METTL8: variants seen among roughly 807,000 people sequenced by gnomAD.
The protein encoded by METTL8 is methyltransferase 8, tRNA N3-cytidine, also known as tRNA N(3)-cytidine methyltransferase METTL8, mitochondrial.
In METTL8, 32 loss-of-function variants were observed where a neutral mutation model predicts 48.7. The ratio of observed to expected loss-of-function variants is 0.66; its 90% CI spans 0.50 to 0.88. The LOEUF (loss-of-function observed/expected upper bound fraction) is 0.88. Among genes scored for constraint, METTL8 ranks in the 40% least tolerant of loss-of-function variants. The pLI is 0.00. For missense variants in METTL8, 464 were observed against 474.4 expected (o/e 0.98, Z 0.20); for synonymous variants, 136 against 157.1 (o/e 0.87, Z 1.01).
intron 2 of METTL8, among the ~76,000 whole-genome samples, chr2:171,374,532 T>C (rs1021015616): frequency 1.3e-5 from 2 of 152,228 alleles, no homozygotes; most frequent in Admixed American, 1.3e-4. Context: ...ATTCAAAGTG[T>C]ACAACTTGGT....
chr2:171,430,311 T>A (rs1361468509), intron 1 of METTL8, among the ~76,000 whole-genome samples: 1 of 151,306 alleles, frequency 6.6e-6, no homozygotes, highest in Admixed American at 6.6e-5. Flanking sequence ...TGAGCCGAGA[T>A]AGCCCCACCG....
At chr2:171,346,783 A>G (rs1372249927) in intron 3 of METTL8, among the ~76,000 whole-genome samples, 1 of 152,176 alleles carries the variant, frequency 6.6e-6, no homozygotes, top group Non-Finnish European at 1.5e-5. Flanking sequence ...TTGAAAGTAG[A>G]GCTTTTAAAC....
At chr2:171,397,553 CAAA>C (rs34936693) in intron 1 of METTL8, among the ~76,000 whole-genome samples, 105 of 52,146 alleles carry the variant, frequency 2.0e-3, no homozygotes, top group African/African-American at 5.9e-3. Context: ...AACCCTGCCT[CAAA>C]AAAAAAAAAA....
intron 1 of METTL8, among the ~76,000 whole-genome samples, chr2:171,396,603 A>G (rs1280579015): frequency 1.3e-5 from 2 of 152,210 alleles, no homozygotes; most frequent in African/African-American, 4.8e-5. Context: ...CAAATTCAAA[A>G]TAATAATAAG....
Position 171,316,016 on chromosome 2 carries a change from G to C in METTL8, c.*8156C>G, listed in dbSNP as rs1397700899. 6.6e-6 allele frequency among the ~76,000 whole-genome samples: 1 copy of C among 152,210 alleles called. No individual in the cohort carries two copies. The highest frequency in any genetic ancestry group is 1.5e-5 in the Non-Finnish European group (1 of 68,034). On this transcript the variant is annotated 3_prime_UTR_variant, in exon 10 of 10. Transcript: ENST00000375258. Reference sequence around the variant, plus strand: ...TGTTGTGTAGTGTGTGACGTAGTAGGTGAAAAACAGCAAAGAGGTAATTCT... The same window carrying C: ...TGTTGTGTAGTGTGTGACGTAGTAGCTGAAAAACAGCAAAGAGGTAATTCT...
intron 5 of METTL8, among the ~76,000 whole-genome samples, chr2:171,335,025 A>G (rs547620991): frequency 2.0e-5 from 3 of 152,352 alleles, no homozygotes; most frequent in South Asian, 2.1e-4. Flanking sequence ...TCAACTGCCA[A>G]TGTAGTGTAT....
chr2:171,380,721 A>G (rs1410360875), intron 2 of METTL8, among the ~76,000 whole-genome samples: 1 of 152,210 alleles, frequency 6.6e-6, no homozygotes, highest in Admixed American at 6.5e-5. Flanking sequence ...AAGGAGAACT[A>G]CAAACCACTG....
intron 1 of METTL8, among the ~76,000 whole-genome samples, chr2:171,428,444 C>T (rs1692637652): frequency 6.6e-6 from 1 of 151,826 alleles, no homozygotes; most frequent in Non-Finnish European, 1.5e-5. Context: ...TCGCTTGAGC[C>T]CAGGAGTTCA....
chr2:171,384,874 A>G (rs1458117272), intron 2 of METTL8, among the ~76,000 whole-genome samples: 1 of 152,182 alleles, frequency 6.6e-6, no homozygotes, highest in Non-Finnish European at 1.5e-5. Context: ...GTAAAAGACT[A>G]TAGGCAGATA....
In METTL8 at chr2:171,433,564, A is replaced by T. The variant is rs374882763; in HGVS notation, c.-13+319T>A. Among the ~76,000 whole-genome samples, 51 of 152,340 alleles carry T rather than the reference A, an allele frequency of 3.3e-4. No individual in the cohort carries two copies. The South Asian group carries it at 0.01, about 31-fold the overall frequency. Reference sequence around the variant, plus strand: ...TTTGAACATACAGGCAGGGCTAGTTAACAAAGTATATCTTTTACTTAGAGA... The same window carrying T: ...TTTGAACATACAGGCAGGGCTAGTTTACAAAGTATATCTTTTACTTAGAGA... On this transcript the variant is annotated intron_variant, in intron 1 of 9. Transcript: ENST00000375258.
chr2:171,434,574 C>A, upstream of METTL8: 7 of 1,526,278 alleles, frequency 4.6e-6, no homozygotes, highest in Non-Finnish European at 6.1e-6. Context: ...CGGCCCGCGC[C>A]TCCATGGGCC....
chr2:171,336,101 CTT>C (rs560940773), intron 5 of METTL8, among the ~76,000 whole-genome samples: 4 of 143,250 alleles, frequency 2.8e-5, no homozygotes, highest in African/African-American at 2.5e-5. Context: ...TCAAACTCTG[CTT>C]TTTTTTTTTT....
chr2:171,358,843 A>G (rs1178010), intron 3 of METTL8, among the ~76,000 whole-genome samples: 150,731 of 152,266 alleles, frequency 0.99, 74,626 homozygotes, highest in Middle Eastern at 1. Context: ...GCTAACAAGC[A>G]CCTGTACAGC....
At chr2:171,344,906 G>C (rs866660917) in intron 3 of METTL8, among the ~76,000 whole-genome samples, 1 of 152,208 alleles carries the variant, frequency 6.6e-6, no homozygotes, top group Admixed American at 6.5e-5. Context: ...AGGGGAATTG[G>C]AGGAATTACT....
At chr2:171,430,714 G>C (rs1321172289) in intron 1 of METTL8, among the ~76,000 whole-genome samples, 5 of 152,026 alleles carry the variant, frequency 3.3e-5, no homozygotes. Flanking sequence ...TAGGCAGATG[G>C]GGGTGGGTCC....
At chr2:171,356,973 A>G (rs192624939) in intron 3 of METTL8, among the ~76,000 whole-genome samples, 248 of 1,438 alleles carry the variant, frequency 0.17, 9 homozygotes, top group East Asian at 0.45. Flanking sequence ...TTTTTTTGAG[A>G]CAGGGTCTTA....
At chr2:171,324,981 TCAGCTACTTGGGAGGCTGTAATCC>T (rs201576956) in intron 9 of METTL8, among the ~76,000 whole-genome samples, 10,761 of 151,712 alleles carry the variant, frequency 0.071, 1,057 homozygotes, top group East Asian at 0.54. Context: ...GTAGGTAATC[TCAGCTACTTGGGAGGCTGTAATCC>T]CAGCTACTTG....
chr2:171,334,934 T>C (rs1685927659), intron 5 of METTL8, among the ~76,000 whole-genome samples: 1 of 152,090 alleles, frequency 6.6e-6, no homozygotes, highest in Non-Finnish European at 1.5e-5. Flanking sequence ...TTAAGGAATA[T>C]AAAAAGTGGT....
At chr2:171,374,029 A>T (rs1009298885) in intron 2 of METTL8, among the ~76,000 whole-genome samples, 8 of 152,192 alleles carry the variant, frequency 5.3e-5, no homozygotes, top group Non-Finnish European at 1.2e-4. Context: ...AGTCATTGGC[A>T]GCTTGATGGG....
Sources: allele counts gnomAD v4.1 joint callset (sites outside exome capture counted in the v4.1 genomes callset), GRCh38; gene constraint gnomAD v4.1.1; transcripts MANE v1.5; gene names NCBI Gene and HGNC (gene_info 2026-07-23, HGNC 2026-07-21).